BTC: variants seen among roughly 807,000 people sequenced by gnomAD.
The protein encoded by BTC is betacellulin.
In BTC, 13 loss-of-function variants were observed where a neutral mutation model predicts 18.1. That is an observed-to-expected ratio of 0.72 (90% CI 0.47 to 1.14). The LOEUF (loss-of-function observed/expected upper bound fraction) is 1.14, where lower values mean the gene tolerates loss of function less well. BTC is among the 50% of genes most tolerant of loss of function. The pLI is 0.00. For missense variants in BTC, 247 were observed against 224.2 expected (o/e 1.10, Z -0.65); for synonymous variants, 83 against 79.4 (o/e 1.05, Z -0.24).
rs565399006 is a variant in BTC at position 74,773,009 on chromosome 4, G to T, written c.65-2853C>A. On this transcript the variant is annotated intron_variant, in intron 1 of 5. Transcript: ENST00000395743. Reference sequence around the variant, plus strand: ...GAGTTTGCTGTCCTCACAGGTGGAGGCAGAGTACTGGGGCGGAGGTATCCT... The same window carrying T: ...GAGTTTGCTGTCCTCACAGGTGGAGTCAGAGTACTGGGGCGGAGGTATCCT... 2.0e-5 allele frequency among the ~76,000 whole-genome samples: 3 copies of T among 152,280 alleles called. No homozygotes were observed. In the East Asian group the frequency reaches 5.8e-4, roughly 29 times the overall value.
intron 2 of BTC, among the ~76,000 whole-genome samples, chr4:74,769,684 G>A (rs1452996260): frequency 6.6e-6 from 1 of 152,160 alleles, no homozygotes; most frequent in Non-Finnish European, 1.5e-5. Flanking sequence ...GGTAGAATAT[G>A]TCAGCTTTTC....
intron 4 of BTC, among the ~76,000 whole-genome samples, chr4:74,748,420 C>CGGG (rs1724353302): frequency 6.6e-6 from 1 of 151,886 alleles, no homozygotes; most frequent in Non-Finnish European, 1.5e-5. Context: ...CCTGTAGTCC[C>CGGG]AGCTACTCGG....
chr4:74,792,486 C>T (rs1036901026), intron 1 of BTC, among the ~76,000 whole-genome samples: 4 of 152,202 alleles, frequency 2.6e-5, no homozygotes, highest in African/African-American at 9.6e-5. Flanking sequence ...AGGCGCCCCC[C>T]CTTCCTATAC....
chr4:74,750,734 G>A lies in BTC; in HGVS notation c.282-15C>T, dbSNP rs112278131. 1.6e-5 allele frequency: 25 copies of A among 1,604,666 alleles called. No homozygotes were observed. Among genetic ancestry groups the A allele is most frequent in the East Asian group, 2.2e-5 (1 of 44,566 alleles). On this transcript the variant is annotated splice_polypyrimidine_tract_variant and intron_variant, in intron 3 of 5. Transcript: ENST00000395743. The stretch of plus-strand genomic sequence containing the variant: ...CTTCATCACAGCTATAAAACAAGAC[G>A]AGGGCAAGGAAGTAAAACTTGCAAG...
At chr4:74,749,968 C>A (rs1284872463) in intron 4 of BTC, among the ~76,000 whole-genome samples, 1 of 149,266 alleles carries the variant, frequency 6.7e-6, no homozygotes, top group African/African-American at 2.5e-5. Context: ...TGGTGGCACA[C>A]ACTTGTATTC....
chr4:74,750,830 C>T (rs1724441310), intron 3 of BTC, 111 bp from the exon 4 acceptor site: 3 of 1,407,338 alleles, frequency 2.1e-6, no homozygotes, highest in Non-Finnish European at 1.9e-6. Context: ...ATAAAGAACA[C>T]AGTTCCCTTT....
chr4:74,753,779 G>A (rs1181670092), intron 3 of BTC, among the ~76,000 whole-genome samples: 1 of 151,936 alleles, frequency 6.6e-6, no homozygotes, highest in Non-Finnish European at 1.5e-5. Flanking sequence ...TAGCCTAGGA[G>A]TTTGAGTCTA....
intron 1 of BTC, among the ~76,000 whole-genome samples, chr4:74,774,623 A>G (rs1276609013): frequency 6.6e-6 from 1 of 151,936 alleles, no homozygotes; most frequent in African/African-American, 2.4e-5. Context: ...TGTAATAAGT[A>G]AAAGGAATAA....
At chr4:74,747,370 C>G (rs1361556053) in intron 5 of BTC, among the ~76,000 whole-genome samples, 1 of 152,096 alleles carries the variant, frequency 6.6e-6, no homozygotes, top group South Asian at 2.1e-4. Context: ...TACTTCTTCC[C>G]CTATTTCCTC....
intron 1 of BTC, among the ~76,000 whole-genome samples, chr4:74,770,688 G>A (rs949444462): frequency 1.3e-5 from 2 of 152,018 alleles, no homozygotes; most frequent in Non-Finnish European, 2.9e-5. Flanking sequence ...CATGTTTTAC[G>A]AGGGAGAGAA....
Position 74,750,661 on chromosome 4 carries a change from C to T in BTC, c.340G>A (p.Gly114Arg), listed in dbSNP as rs370636573. 1.4e-5 allele frequency: 22 copies of T among 1,613,840 alleles called. No homozygotes were observed. Among genetic ancestry groups the T allele is most frequent in the Non-Finnish European group, 1.7e-5 (20 of 1,179,950 alleles). Residue 114 changes from glycine (G) to arginine (R), a missense_variant, in exon 4 of 6, where the codon GGA (glycine) becomes AGA (arginine). By Grantham distance (125) the Gly-to-Arg change is moderately radical. Transcript: ENST00000395743. The stretch of plus-strand genomic sequence containing the variant: ...ATCACCAGAATCTGTCCTCTGTCTC[C>T]TCTTAGGTAAAACAAGTCAACTCTC... ...CERVDLFYLR[G>R]DRGQILVICL...
Position 74,794,346 on chromosome 4 carries a change from G to T in BTC, c.-21C>A. 1 of 1,538,510 alleles carries T rather than the reference G, an allele frequency of 6.5e-7. No homozygotes were observed. The highest frequency in any genetic ancestry group is 8.8e-7 in the Non-Finnish European group (1 of 1,142,774). ...TCCATCAACCCCGCTCTGCCGGGCC[G>T]GGCAGCCCCTAGACAAGTCTCCCTC... On this transcript the variant is annotated 5_prime_UTR_variant, in exon 1 of 6. Transcript: ENST00000395743.
At chr4:74,792,174 G>A (rs1725651403) in intron 1 of BTC, among the ~76,000 whole-genome samples, 1 of 152,154 alleles carries the variant, frequency 6.6e-6, no homozygotes, top group African/African-American at 2.4e-5. Flanking sequence ...TTAGCATTTT[G>A]CAAGAAATAG....
intron 1 of BTC, among the ~76,000 whole-genome samples, chr4:74,776,710 A>T (rs976450080): frequency 2.0e-5 from 3 of 152,162 alleles, no homozygotes; most frequent in African/African-American, 7.2e-5. Context: ...TCAACTATTT[A>T]AAAAGATCAT....
In BTC at chr4:74,746,453, T is replaced by C. The variant is rs1438446093; in HGVS notation, c.*224A>G. 1 of 152,662 alleles carries C rather than the reference T, an allele frequency of 6.6e-6. No individual in the cohort carries two copies. The highest frequency in any genetic ancestry group is 2.4e-5 in the African/African-American group (1 of 41,468). 9.5% of individuals were successfully genotyped at this position (152,662 alleles called of 1,614,324 possible). On this transcript the variant is annotated 3_prime_UTR_variant, in exon 6 of 6. Transcript: ENST00000395743. ...GGTTATTGAAATTTCCCTTCTGTTGTTGCTACCTAACCAGTTGCTTTTTTC... is the reference window on the plus strand; with the variant it reads ...GGTTATTGAAATTTCCCTTCTGTTGCTGCTACCTAACCAGTTGCTTTTTTC...
At chr4:74,776,184 C>A (rs1326137837) in intron 1 of BTC, among the ~76,000 whole-genome samples, 1 of 149,484 alleles carries the variant, frequency 6.7e-6, no homozygotes, top group Non-Finnish European at 1.5e-5. Context: ...TTTTTTTTTA[C>A]CTTAAGAAAA....
At chr4:74,751,393 A>G (rs1724457048) in intron 3 of BTC, among the ~76,000 whole-genome samples, 1 of 152,034 alleles carries the variant, frequency 6.6e-6, no homozygotes, top group Non-Finnish European at 1.5e-5. Context: ...CTGCAAACAC[A>G]TAAGTCTTGT....
chr4:74,782,993 A>G (rs1481844765), intron 1 of BTC, among the ~76,000 whole-genome samples: 3 of 152,142 alleles, frequency 2.0e-5, no homozygotes, highest in East Asian at 1.9e-4. Context: ...TAGATTCTGG[A>G]TATTAGACCT....
chr4:74,779,613 G>A (rs532892020), intron 1 of BTC, among the ~76,000 whole-genome samples: 1 of 152,244 alleles, frequency 6.6e-6, no homozygotes, highest in East Asian at 1.9e-4. Flanking sequence ...TGTTTTCAAG[G>A]AGGATTATCC....
Sources: gnomAD v4.1 joint callset for allele counts (sites outside exome capture counted in the v4.1 genomes callset) on GRCh38, gnomAD v4.1.1 for gene constraint, MANE v1.5 for transcripts, NCBI Gene and HGNC (gene_info 2026-07-23, HGNC 2026-07-21) for gene names.